Variants in DNMT1 observed in about 807,000 individuals in gnomAD.
DNMT1 encodes the protein DNA (cytosine-5)-methyltransferase 1.
Under a neutral mutation model 205.3 loss-of-function variants are expected in DNMT1, and 24 were observed. The ratio of observed to expected loss-of-function variants is 0.12; its 90% confidence interval spans 0.08 to 0.16. The LOEUF is 0.16. Ranked by LOEUF, DNMT1 falls within the 10% of genes least tolerant of loss-of-function variation. The pLI, the probability that DNMT1 is intolerant of heterozygous loss-of-function variation, is 1.00. For missense variants in DNMT1, 1,293 were observed against 2,177.7 expected (o/e 0.59, Z 8.09); for synonymous variants, 817 against 839.8 (o/e 0.97, Z 0.47).
chr19:10,164,743 C>A (rs1038362360), intron 11 of DNMT1, among the ~76,000 whole-genome samples: 1 of 151,720 alleles, frequency 6.6e-6, no homozygotes, highest in East Asian at 1.9e-4. Flanking sequence ...GCCTGGCCAA[C>A]ATGGTGAATC....
At position 10,137,506 on chromosome 19, in the gene DNMT1, G is replaced by T. The variant is rs917884924; in HGVS notation, c.4294-226C>A. ...GGAATCTAAGCTGAGCCTTTAGGGT[G>T]GGGGAAGGGGAGTGGTGCCAGGGGA... On this transcript the variant is annotated intron_variant, in intron 36 of 40. Coordinates refer to ENST00000359526, the MANE Select transcript of DNMT1 (RefSeq NM_001130823.3). The surrounding 1 kb of genome is among the most constrained non-coding windows in gnomAD (Gnocchi z 6.4). 7 of 647,192 alleles carry T rather than the reference G, an allele frequency of 1.1e-5. No individual in the cohort carries two copies. The highest frequency in any genetic ancestry group is 9.1e-5 in the African/African-American group (5 of 54,886). 40.1% of individuals were successfully genotyped at this position (647,192 alleles called of 1,614,324 possible).
At chr19:10,177,214 C>A in intron 6 of DNMT1, 78 bp downstream of exon 6, 1 of 1,301,356 alleles carries the variant, frequency 7.7e-7, no homozygotes, top group Non-Finnish European at 1.1e-6. Flanking sequence ...GACAGAATTG[C>A]CACGTGACGC....
rs535003569 is a variant in DNMT1, at chr19:10,183,875, C to CAAAAT, written c.81-1803_81-1799dup. On this transcript the variant is annotated intron_variant, in intron 1 of 40. Coordinates refer to ENST00000359526, the MANE Select transcript of DNMT1 (RefSeq NM_001130823.3). ...GGGCAACAAGAGTGAAACTCTGTCTCAAAATAAAATAAAATAAAATAAAAT... is the reference window on the plus strand; with the variant it reads ...GGGCAACAAGAGTGAAACTCTGTCTCAAAATAAAATAAAATAAAATAAAATAAAAT... Among the ~76,000 whole-genome samples the CAAAAT allele has an allele frequency of 6.9e-3, 1,041 of 151,838 alleles. 12 individuals carry two copies. The highest frequency in any genetic ancestry group is 0.019 in the African/African-American group (805 of 41,374).
intron 1 of DNMT1, among the ~76,000 whole-genome samples, chr19:10,193,701 G>A (rs1249421492): frequency 6.6e-6 from 1 of 151,872 alleles, no homozygotes; most frequent in East Asian, 1.9e-4. Context: ...AAAAAGCGGG[G>A]GTTGAACCAA....
Position 10,148,268 on chromosome 19 carries a change from G to A in DNMT1, c.2720+616C>T, listed in dbSNP as rs551059772. On this transcript the variant is annotated intron_variant, in intron 27 of 40. Transcript: ENST00000359526. ...TCCCAGCACTTTGGGAGGCCAAGGC[G>A]GGCAGATCACAAGGTCAGGAGATCG... 2.5e-4 allele frequency among the ~76,000 whole-genome samples: 38 copies of A among 151,456 alleles called. No individual in the cohort carries two copies. The South Asian group carries it at 7.5e-3, about 30-fold the overall frequency.
At chr19:10,147,815 A>G (rs145451871) in intron 27 of DNMT1, among the ~76,000 whole-genome samples, 293 of 152,052 alleles carry the variant, frequency 1.9e-3, no homozygotes, top group African/African-American at 6.8e-3. Flanking sequence ...GGCATTGGAC[A>G]TTAAAAAATA....
At chr19:10,183,020 T>G (rs1286850920) in intron 1 of DNMT1, among the ~76,000 whole-genome samples, 5 of 149,826 alleles carry the variant, frequency 3.3e-5, no homozygotes, top group Non-Finnish European at 3.0e-5. Flanking sequence ...TATATACATA[T>G]ATATGTGTAT....
chr19:10,180,383 G>T lies in DNMT1; in HGVS notation c.412C>A (p.Pro138Thr). ...TCTCCATCGGACTTGCTCCTCCTGG[G>T]CGTGCGAGGTTTGGAAAGGGGTTTG... ...PPKPLSKPRT[P>T]RRSKSDGEAK... Residue 138 changes from proline (P) to threonine (T), a missense_variant, in exon 4 of 41, where the codon CCC (proline) becomes ACC (threonine). Pro to Thr is a conservative substitution (Grantham distance 38). Coordinates refer to ENST00000359526, the MANE Select transcript of DNMT1 (RefSeq NM_001130823.3). 6.2e-7 allele frequency: 1 copy of T among 1,613,584 alleles called. No homozygotes were observed. Among genetic ancestry groups the T allele is most frequent in the Non-Finnish European group, 8.5e-7 (1 of 1,180,022 alleles).
rs199832007 is a variant in DNMT1, at chr19:10,148,937, G to A, written c.2667C>T (p.Tyr889=). 190 of 1,614,080 alleles carry A rather than the reference G, an allele frequency of 1.2e-4. No individual in the cohort carries two copies. The highest frequency in any genetic ancestry group is 1.4e-4 in the Non-Finnish European group (165 of 1,180,044). ...TTTTTGGAGGGGACTCGAATCTCGCGTAGTCTTGATCATACCACAGCTGGT... is the reference window on the plus strand; with the variant it reads ...TTTTTGGAGGGGACTCGAATCTCGCATAGTCTTGATCATACCACAGCTGGT... The part of the protein sequence containing the change: ...YFYQLWYDQD[Y]ARFESPPKTQ... The change falls in exon 27 of 41, where the codon TAC becomes TAT. Residue 889 remains tyrosine (Y), a synonymous_variant. Transcript: ENST00000359526.
At chr19:10,160,455 A>C (rs756156318) in intron 13 of DNMT1, 37 bp from the exon 14 acceptor site, 8 of 1,611,596 alleles carry the variant, frequency 5.0e-6, no homozygotes, top group Non-Finnish European at 6.8e-6. Flanking sequence ...AAAGGCTAAG[A>C]GAGTGTTTTA....
chr19:10,188,659 G>A (rs1056431122), intron 1 of DNMT1, among the ~76,000 whole-genome samples: 3 of 152,178 alleles, frequency 2.0e-5, no homozygotes, highest in Non-Finnish European at 4.4e-5. Context: ...CTTGAGATGG[G>A]GAGATTATCC....
chr19:10,194,340 G>C (rs2039360457), intron 1 of DNMT1, among the ~76,000 whole-genome samples: 1 of 152,046 alleles, frequency 6.6e-6, no homozygotes, highest in South Asian at 2.1e-4. Context: ...GCACAGCTTT[G>C]GGGGAAAGGC....
Position 10,137,311 on chromosome 19 carries a change from C to T in DNMT1, c.4294-31G>A. 3.8e-6 allele frequency: 6 copies of T among 1,580,602 alleles called. No homozygotes were observed. Among genetic ancestry groups the T allele is most frequent in the African/African-American group, 1.3e-5 (1 of 74,466 alleles). On this transcript the variant is annotated intron_variant, in intron 36 of 40. Transcript: ENST00000359526. This position sits in a 1 kb window ranked among gnomAD's most constrained non-coding sequence, Gnocchi z 6.4. ...AGAGTGTGGGGGGCCCAGCTGTCAC[C>T]TCATGTGAGCAGCATCCGAGCATCC... is the stretch of plus-strand genomic sequence containing the variant.
In DNMT1 at chr19:10,163,363, G is replaced by C; in HGVS notation, c.892-3C>G. On this transcript the variant is annotated splice_region_variant and splice_polypyrimidine_tract_variant and intron_variant, in intron 11 of 40. Coordinates refer to ENST00000359526, the MANE Select transcript of DNMT1 (RefSeq NM_001130823.3). Reference sequence around the variant, plus strand: ...TGACTTCTGTGCTTCTTCTCATCCTGACAGAAAAATAAGGGGGAGGTAGAG... The same window carrying C: ...TGACTTCTGTGCTTCTTCTCATCCTCACAGAAAAATAAGGGGGAGGTAGAG... The C allele has an allele frequency of 1.9e-6, 3 of 1,613,776 alleles. No homozygotes were observed. The highest frequency in any genetic ancestry group is 3.3e-5 in the Admixed American group (2 of 59,992).
rs369649047 is a variant in DNMT1, at chr19:10,155,887, A to G, written c.1458T>C (p.Asp486=). The part of the protein sequence containing the change: ...PINEWWITGF[D]GGEKALIGFS... ...AGCCGATGAGGGCCTTTTCACCTCC[A>G]TCAAAGCCAGTGATCCACCATTCAT... Residue 486 remains aspartate (D), a synonymous_variant, in exon 19 of 41, where the codon GAT becomes GAC. Transcript: ENST00000359526. The G allele has an allele frequency of 1.2e-6, 2 of 1,613,840 alleles. No individual in the cohort carries two copies. Among genetic ancestry groups the G allele is most frequent in the Non-Finnish European group, 1.7e-6 (2 of 1,179,932 alleles).
At chr19:10,141,702 C>G in intron 30 of DNMT1, 1 of 368,492 alleles carries the variant, frequency 2.7e-6, no homozygotes, top group Non-Finnish European at 5.0e-6. Context: ...TACTAAGACA[C>G]CAGTCAGGCT....
At chr19:10,189,603 T>C (rs1429390679) in intron 1 of DNMT1, among the ~76,000 whole-genome samples, 1 of 149,896 alleles carries the variant, frequency 6.7e-6, no homozygotes, top group Admixed American at 6.7e-5. Context: ...TTTTTTGAGA[T>C]GGGGGGGGTC....
At chr19:10,168,842 A>C (rs900907561) in intron 9 of DNMT1, among the ~76,000 whole-genome samples, 2 of 152,016 alleles carry the variant, frequency 1.3e-5, no homozygotes, top group African/African-American at 4.8e-5. Context: ...GCATTTATTC[A>C]TTTATTTATT....
rs767986635 is a variant in DNMT1 at position 10,160,000 on chromosome 19, T to A, written c.1089+18A>T. On this transcript the variant is annotated intron_variant, in intron 15 of 40. Coordinates refer to ENST00000359526, the MANE Select transcript of DNMT1 (RefSeq NM_001130823.3). The surrounding 1 kb of genome is among the most constrained non-coding windows in gnomAD (Gnocchi z 5.0). ...CTCGTGAGCGCCGCCACCGGCTTTA[T>A]TCCCGGCAGATGTTTACCTTGGAGT... 1.2e-6 allele frequency: 2 copies of A among 1,614,214 alleles called. No homozygotes were observed. Among genetic ancestry groups the A allele is most frequent in the South Asian group, 2.2e-5 (2 of 91,088 alleles).
Sources: gnomAD v4.1 joint callset for allele counts (sites outside exome capture counted in the v4.1 genomes callset) on GRCh38, gnomAD v4.1.1 for gene constraint, Gnocchi (gnomAD v3.1) non-coding constraint, MANE v1.5 for transcripts, NCBI Gene and HGNC (gene_info 2026-07-23, HGNC 2026-07-21) for gene names.